COL5A1: variants seen among roughly 807,000 people sequenced by gnomAD.
COL5A1 encodes collagen type V alpha 1 chain, also known as collagen alpha-1(V) chain.
In COL5A1, 16 loss-of-function variants were observed where a neutral mutation model predicts 263.7. The ratio of observed to expected loss-of-function variants is 0.06; its 90% confidence interval spans 0.04 to 0.09. COL5A1 has a LOEUF of 0.09. Among genes scored for constraint, COL5A1 ranks in the 10% least tolerant of loss-of-function variants. The pLI is 1.00. For synonymous variants in COL5A1, 1,012 were observed against 1,004.5 expected, an observed-to-expected ratio of 1.01 and a Z score of -0.14; for missense variants, 2,036 against 2,540.5, an observed-to-expected ratio of 0.80 and a Z score of 4.27.
chr9:134,803,765 C>T (rs533629890), intron 39 of COL5A1, among the ~76,000 whole-genome samples: 6 of 152,180 alleles, frequency 3.9e-5, no homozygotes, highest in African/African-American at 9.6e-5. Context: ...ATGGTGTGAA[C>T]TCGGGGGGCG....
At position 134,806,348 on chromosome 9, in the gene COL5A1, G is replaced by A. The variant is rs115451002; in HGVS notation, c.3366+52G>A. On this transcript the variant is annotated intron_variant, in intron 42 of 65. Transcript: ENST00000371817. ...CCCTTCCCTCAGAGATGCTGGGGTC[G>A]TTCCGTGTCTGGCCTTGTCCCTCCC... is the stretch of plus-strand genomic sequence containing the variant. The A allele has an allele frequency of 9.8e-3, 13,053 of 1,329,182 alleles. 142 individuals carry two copies. The highest frequency in any genetic ancestry group is 0.054 in the African/African-American group (3,663 of 68,334). 82.3% of individuals were successfully genotyped at this position (1,329,182 alleles called of 1,614,324 possible).
intron 4 of COL5A1, among the ~76,000 whole-genome samples, chr9:134,703,934 C>A (rs138377754): frequency 2.6e-5 from 4 of 152,086 alleles, no homozygotes; most frequent in African/African-American, 9.7e-5. Context: ...CCACCGCGCC[C>A]GGCCTCAGGG....
In COL5A1 at chr9:134,795,132, C is replaced by T; in HGVS notation, c.2745+6C>T. ...GGGGGCAGCGAGGCCCAACGGTAAC[C>T]ACCCTTTCAGCTTGTGGGCATGTTT... On this transcript the variant is annotated splice_donor_region_variant and intron_variant, in intron 33 of 65. Transcript: ENST00000371817. 6.2e-7 allele frequency: 1 copy of T among 1,614,052 alleles called. No individual in the cohort carries two copies. Among genetic ancestry groups the T allele is most frequent in the Non-Finnish European group, 8.5e-7 (1 of 1,180,000 alleles).
At chr9:134,827,323 A>G (rs1029116666) in intron 63 of COL5A1, among the ~76,000 whole-genome samples, 1 of 152,178 alleles carries the variant, frequency 6.6e-6, no homozygotes, top group Non-Finnish European at 1.5e-5. Flanking sequence ...GAGGCTGCAC[A>G]TGGCTGGAGA....
Position 134,842,034 on chromosome 9 carries a change from C to T in COL5A1, c.5371-123C>T, listed in dbSNP as rs1312671016. On this transcript the variant is annotated intron_variant, in intron 65 of 65. Transcript: ENST00000371817. This position sits in a 1 kb window ranked among gnomAD's most constrained non-coding sequence, Gnocchi z 5.8. ...CAACACTTGCCCGGGCAAGCGCAGC[C>T]CTGGGTAGGAGACAGGACACCAGCC... 9 of 1,125,186 alleles carry T rather than the reference C, an allele frequency of 8.0e-6. No homozygotes were observed. Among genetic ancestry groups the T allele is most frequent in the Non-Finnish European group, 1.2e-5 (9 of 753,466 alleles). 69.7% of individuals were successfully genotyped at this position (1,125,186 alleles called of 1,614,324 possible).
chr9:134,701,074 G>A lies in COL5A1; in HGVS notation c.492-97G>A, dbSNP rs1833655804. The A allele has an allele frequency of 5.3e-5, 67 of 1,269,478 alleles. No individual in the cohort carries two copies. The South Asian group carries it at 7.7e-4, about 15-fold the overall frequency. The allele number at this position is 1,269,478 out of a possible 1,614,324, so 78.6% of individuals were successfully genotyped here. A position where few individuals can be genotyped will look rare whatever the true frequency, so the allele number is the denominator to read the frequency against. The stretch of plus-strand genomic sequence containing the variant: ...CCGCCCCACCACGATCGTGCAGGAA[G>A]TGGGCCTTCTTCCTGTGTCTCGAGG... On this transcript the variant is annotated intron_variant, in intron 3 of 65. Coordinates refer to ENST00000371817, the MANE Select transcript of COL5A1 (RefSeq NM_000093.5).
At position 134,794,893 on chromosome 9, in the gene COL5A1, G is replaced by A. The variant is rs1262053817; in HGVS notation, c.2701-189G>A. On this transcript the variant is annotated intron_variant, in intron 32 of 65. Coordinates refer to ENST00000371817, the MANE Select transcript of COL5A1 (RefSeq NM_000093.5). The surrounding 1 kb of genome is among the most constrained non-coding windows in gnomAD (Gnocchi z 4.3). ...GCAGGAGTGCAAAGCTGTGTGTGTC[G>A]GGTGTGCGGTGAGCTTCTCGCCCTG... Among the ~76,000 whole-genome samples the A allele has an allele frequency of 6.6e-6, 1 of 152,180 alleles. No homozygotes were observed. The highest frequency in any genetic ancestry group is 1.9e-4 in the East Asian group (1 of 5,184).
rs137945466 is a variant in COL5A1, at chr9:134,649,716, A to C, written c.109+7420A>C. ...CCAAAGGATTATAAATCATCCTACT[A>C]TAAAGAGAAATGCACACGTATGTTT... On this transcript the variant is annotated intron_variant, in intron 1 of 65. Coordinates refer to ENST00000371817, the MANE Select transcript of COL5A1 (RefSeq NM_000093.5). 5.3e-4 allele frequency: 182 copies of C among 346,448 alleles called. 1 individual carries two copies. In the East Asian group the frequency reaches 0.013, roughly 26 times the overall value. The allele number at this position is 346,448 out of a possible 1,614,324, so 21.5% of individuals were successfully genotyped here.
At position 134,823,053 on chromosome 9, in the gene COL5A1, G is replaced by C. The variant is rs766833587; in HGVS notation, c.4644+20G>C. ...TCCTCGGTAAGTAACATGCTGCCCA[G>C]CCAGGCCAATGCCTGGAAGGTAGGG... is the stretch of plus-strand genomic sequence containing the variant. On this transcript the variant is annotated intron_variant, in intron 60 of 65. Transcript: ENST00000371817. The C allele has an allele frequency of 2.5e-6, 4 of 1,614,034 alleles. No homozygotes were observed. The highest frequency in any genetic ancestry group is 2.5e-6 in the Non-Finnish European group (3 of 1,179,978).
chr9:134,789,161 A>G lies in COL5A1; in HGVS notation c.2653A>G (p.Ile885Val), dbSNP rs781756159. Residue 885 changes from isoleucine to valine, a missense_variant, in exon 32 of 66, where the codon ATT (isoleucine) becomes GTT (valine). By Grantham distance (29) the Ile-to-Val change is conservative. Around this residue, in one of 3 missense-constraint regions of COL5A1, gnomAD observed 1,078 missense variants for 1,521.4 expected, o/e 0.71. Coordinates refer to ENST00000371817, the MANE Select transcript of COL5A1 (RefSeq NM_000093.5). This position sits in a 1 kb window ranked among gnomAD's most constrained non-coding sequence, Gnocchi z 4.8. ...YPGRQGPKGSIGFPGFPGANG... is the reference protein window; with the variant it reads ...YPGRQGPKGSVGFPGFPGANG... ...TCCTTAAACTCTCTTTCAGGGCTCT[A>G]TTGGATTCCCTGGATTTCCTGGCGC... The G allele has an allele frequency of 2.5e-6, 4 of 1,612,954 alleles. No individual in the cohort carries two copies. Among genetic ancestry groups the G allele is most frequent in the Admixed American group, 3.3e-5 (2 of 60,006 alleles).
intron 12 of COL5A1, 39 bp from the exon 13 acceptor site, chr9:134,750,751 G>A (rs1346676435): frequency 5.0e-6 from 8 of 1,610,528 alleles, no homozygotes; most frequent in South Asian, 1.1e-5. Context: ...TGGGTGCCAC[G>A]TCACTGCTCC....
chr9:134,677,130 G>T lies in COL5A1; in HGVS notation c.110-13782G>T, dbSNP rs1445126574. 6.6e-6 allele frequency among the ~76,000 whole-genome samples: 1 copy of T among 152,224 alleles called. No individual in the cohort carries two copies. Among genetic ancestry groups the T allele is most frequent in the East Asian group, 1.9e-4 (1 of 5,194 alleles). ...AGCGGCGGTCCATCCCCTCGTGATT[G>T]GTGGCAGGGCCTCTCATCTTCCTTG... On this transcript the variant is annotated intron_variant, in intron 1 of 65. Transcript: ENST00000371817. This position sits in a 1 kb window ranked among gnomAD's most constrained non-coding sequence, Gnocchi z 4.4.
chr9:134,817,698 C>T (rs1838814269), intron 53 of COL5A1, 80 bp from the exon 54 acceptor site: 2 of 1,305,610 alleles, frequency 1.5e-6, no homozygotes, highest in African/African-American at 1.5e-5. Context: ...CACACACACA[C>T]CCTGAGCGCC....
intron 24 of COL5A1, 142 bp from the exon 25 acceptor site, chr9:134,768,268 G>A (rs41302968): frequency 1.2e-6 from 1 of 812,448 alleles, no homozygotes; most frequent in African/African-American, 1.7e-5. Flanking sequence ...ACGCCTCACA[G>A]CCAGGGACCC....
intron 4 of COL5A1, chr9:134,708,881 C>G (rs765913105): frequency 2.6e-5 from 12 of 456,544 alleles, no homozygotes; most frequent in South Asian, 1.9e-4. Context: ...CTCTGCCTGC[C>G]GCTTCCAGCC....
At position 134,704,777 on chromosome 9, in the gene COL5A1, G is replaced by C. The variant is rs566476758; in HGVS notation, c.654+3444G>C. On this transcript the variant is annotated intron_variant, in intron 4 of 65. Transcript: ENST00000371817. ...AGCAGGATCAGCGATGCCTTCAGCT[G>C]CCCCAAGCATCTTTTCTTTTTTTTT... is the stretch of plus-strand genomic sequence containing the variant. Among the ~76,000 whole-genome samples the C allele has an allele frequency of 1.6e-4, 23 of 141,964 alleles. No individual in the cohort carries two copies. The South Asian group carries it at 5.4e-3, about 33-fold the overall frequency. The allele number at this position is 141,964 out of a possible 152,430, so 93.1% of individuals were successfully genotyped here. A position where few individuals can be genotyped will look rare whatever the true frequency, so the allele number is the denominator to read the frequency against.
chr9:134,826,827 G>T (rs1839296806), intron 63 of COL5A1, among the ~76,000 whole-genome samples: 1 of 151,434 alleles, frequency 6.6e-6, no homozygotes, highest in Admixed American at 6.6e-5. Context: ...TGTGTGGCTG[G>T]TGTGTGGATG....
At chr9:134,668,962 T>TCCATCCATC (rs1832442308) in intron 1 of COL5A1, among the ~76,000 whole-genome samples, 1 of 132,384 alleles carries the variant, frequency 7.6e-6, no homozygotes, top group African/African-American at 2.8e-5. Flanking sequence ...CACCCATCCA[T>TCCATCCATC]CCATCCATCC....
rs1323254080 is a variant in COL5A1 at position 134,802,879 on chromosome 9, T to C, written c.3007-9T>C. 6.2e-7 allele frequency: 1 copy of C among 1,605,636 alleles called. No individual in the cohort carries two copies. Among genetic ancestry groups the C allele is most frequent in the South Asian group, 1.1e-5 (1 of 90,294 alleles). On this transcript the variant is annotated splice_polypyrimidine_tract_variant and intron_variant, in intron 38 of 65. Transcript: ENST00000371817. ...AAACGTCTGTGGCTGACACTGATTT[T>C]CCCCACAGGGTCCCACGGGAGAAAC...
Sources: allele counts gnomAD v4.1 joint callset (sites outside exome capture counted in the v4.1 genomes callset), GRCh38; gene constraint gnomAD v4.1.1; regional missense constraint gnomAD v4.1.1; non-coding constraint Gnocchi (gnomAD v3.1); transcripts MANE v1.5; gene names NCBI Gene and HGNC (gene_info 2026-07-23, HGNC 2026-07-21).